Variants in STAU1 observed in about 807,000 individuals in gnomAD.
STAU1 encodes double-stranded RNA-binding protein Staufen homolog 1.
In STAU1, 13 loss-of-function variants were observed where a neutral mutation model predicts 62.9. The ratio of observed to expected loss-of-function variants is 0.21; its 90% CI spans 0.13 to 0.33. The LOEUF (loss-of-function observed/expected upper bound fraction) is 0.33. STAU1 is among the 10% of genes least tolerant of loss of function. The pLI, the probability that STAU1 is intolerant of heterozygous loss-of-function variation, is 1.00. For missense variants in STAU1, 571 were observed against 712.1 expected (o/e 0.80, Z 2.25); for synonymous variants, 269 against 265.1 (o/e 1.01, Z -0.14).
chr20:49,120,279 T>C, intron 8 of STAU1, 151 bp from the exon 9 acceptor site: 1 of 828,072 alleles, frequency 1.2e-6, no homozygotes, highest in East Asian at 2.8e-5. Context: ...TGAGAGCTAA[T>C]TATTAAATAG....
intron 3 of STAU1, among the ~76,000 whole-genome samples, chr20:49,164,743 T>C (rs552514905): frequency 3.5e-4 from 53 of 152,062 alleles, no homozygotes; most frequent in African/African-American, 1.2e-3. Context: ...TACTCCAGCC[T>C]AGGCAATAGA....
chr20:49,185,836 T>C (rs910056346), intron 1 of STAU1, among the ~76,000 whole-genome samples: 1 of 152,154 alleles, frequency 6.6e-6, no homozygotes, highest in South Asian at 2.1e-4. Flanking sequence ...GTATTAGACA[T>C]GCTTTATACT....
At chr20:49,129,279 AAT>A (rs1491424914) in intron 6 of STAU1, among the ~76,000 whole-genome samples, 1 of 101,958 alleles carries the variant, frequency 9.8e-6, no homozygotes, top group Non-Finnish European at 1.8e-5. Flanking sequence ...TTTAAAAAAA[AAT>A]TTTTTTTTTT....
At chr20:49,212,925 G>A in the STAU1 span, among the ~76,000 whole-genome samples, 1 of 151,918 alleles carries the variant, frequency 6.6e-6, no homozygotes, top group Non-Finnish European at 1.5e-5. Flanking sequence ...TTGTAATATC[G>A]GGTAATATGT....
At chr20:49,138,309 TAAAAC>T (rs1328196399) in intron 5 of STAU1, among the ~76,000 whole-genome samples, 1 of 151,992 alleles carries the variant, frequency 6.6e-6, no homozygotes, top group African/African-American at 2.4e-5. Context: ...ATAATTAAAA[TAAAAC>T]AAACTCTAGG....
At chr20:49,171,004 A>G (rs1173639056) in intron 2 of STAU1, among the ~76,000 whole-genome samples, 1 of 152,242 alleles carries the variant, frequency 6.6e-6, no homozygotes, top group African/African-American at 2.4e-5. Flanking sequence ...ACAAAAACTT[A>G]TTAAGCATCT....
At chr20:49,206,175 G>C in the STAU1 span, among the ~76,000 whole-genome samples, 9 of 119,632 alleles carry the variant, frequency 7.5e-5, no homozygotes, top group Non-Finnish European at 1.2e-4. Flanking sequence ...TGTATTTTTT[G>C]TAAGTACGGG....
chr20:49,113,876 T>C lies in STAU1; in HGVS notation c.*1002A>G, dbSNP rs1409336338. On this transcript the variant is annotated 3_prime_UTR_variant, in exon 14 of 14. Coordinates refer to ENST00000371856, the MANE Select transcript of STAU1 (RefSeq NM_017453.4). ...AGTCCTCAAGAGCCATATGTATAGA[T>C]ACACAATGTTTTTTAATAATCTTTA... 2 of 152,656 alleles carry C rather than the reference T, an allele frequency of 1.3e-5. No homozygotes were observed. Among genetic ancestry groups the C allele is most frequent in the African/African-American group, 2.4e-5 (1 of 41,456 alleles). The allele number at this position is 152,656 out of a possible 1,614,324, so 9.5% of individuals were successfully genotyped here.
At chr20:49,195,904 A>AAAAAAAAAAAAAGAAAG in the STAU1 span, among the ~76,000 whole-genome samples, 3 of 95,364 alleles carry the variant, frequency 3.1e-5, no homozygotes, top group East Asian at 5.7e-4. Context: ...CTCTCAAAAA[A>AAAAAAAAAAAAAGAAAG]AAAAAAAAAA....
chr20:49,219,248 G>A, the STAU1 span: 2 of 1,184,046 alleles, frequency 1.7e-6, no homozygotes, highest in African/African-American at 1.6e-5. Context: ...AAAAAGCTCC[G>A]CCCCTTGATG....
intron 5 of STAU1, among the ~76,000 whole-genome samples, chr20:49,136,637 C>T (rs937054922): frequency 1.3e-5 from 2 of 152,088 alleles, no homozygotes; most frequent in Non-Finnish European, 2.9e-5. Context: ...TGGGACGTGG[C>T]AAATTCAGAT....
At chr20:49,182,605 G>A (rs566819793) in intron 1 of STAU1, among the ~76,000 whole-genome samples, 5 of 152,342 alleles carry the variant, frequency 3.3e-5, no homozygotes, top group South Asian at 2.1e-4. Context: ...TCGGGAGGCC[G>A]AGGTGGGCGG....
chr20:49,124,657 G>A (rs1402054192), intron 6 of STAU1, 70 bp from the exon 7 acceptor site: 2 of 1,516,852 alleles, frequency 1.3e-6, no homozygotes, highest in Middle Eastern at 1.8e-4. Context: ...ACACTGGCTG[G>A]CACACTTCAC....
intron 3 of STAU1, among the ~76,000 whole-genome samples, chr20:49,159,455 A>C (rs1417059671): frequency 6.6e-6 from 1 of 152,244 alleles, no homozygotes; most frequent in East Asian, 1.9e-4. Context: ...CATTAGCCAA[A>C]ATATAATAAA....
At position 49,114,597 on chromosome 20, in the gene STAU1, G is replaced by GTATCATTA; in HGVS notation, c.*280_*281insTAATGATA. The GTATCATTA allele has an allele frequency of 4.7e-6, 2 of 423,514 alleles. No homozygotes were observed. Among genetic ancestry groups the GTATCATTA allele is most frequent in the Non-Finnish European group, 8.5e-6 (2 of 235,056 alleles). 26.2% of individuals were successfully genotyped at this position (423,514 alleles called of 1,614,324 possible). The stretch of plus-strand genomic sequence containing the variant: ...GGGTGTGGATCTGCTGGTGTCCCGG[G>GTATCATTA]AGAACCAGCTGGCTGGGCAGCCCTT... On this transcript the variant is annotated 3_prime_UTR_variant, in exon 14 of 14. Transcript: ENST00000371856.
intron 5 of STAU1, among the ~76,000 whole-genome samples, chr20:49,147,247 T>C (rs1600726404): frequency 6.6e-6 from 1 of 152,360 alleles, no homozygotes; most frequent in East Asian, 1.9e-4. Context: ...CTGATATTAA[T>C]GTTAATGTCT....
intron 6 of STAU1, among the ~76,000 whole-genome samples, chr20:49,126,588 C>CAAAAAAAAAAAA: frequency 7.1e-5 from 4 of 56,342 alleles, no homozygotes; most frequent in African/African-American, 2.5e-4. Flanking sequence ...AAAAAAAAAA[C>CAAAAAAAAAAAA]AAAAAAAAAA....
intron 13 of STAU1, among the ~76,000 whole-genome samples, chr20:49,115,473 G>T (rs2092296807): frequency 6.6e-6 from 1 of 152,032 alleles, no homozygotes; most frequent in Non-Finnish European, 1.5e-5. Flanking sequence ...GCTAATTTTT[G>T]TATTTTTAGT....
intron 6 of STAU1, among the ~76,000 whole-genome samples, chr20:49,133,340 G>A (rs897392813): frequency 7.2e-5 from 11 of 152,164 alleles, no homozygotes; most frequent in African/African-American, 2.2e-4. Flanking sequence ...GGCCCAAGCC[G>A]TCAACTCTGC....
Sources: allele counts gnomAD v4.1 joint callset (sites outside exome capture counted in the v4.1 genomes callset), GRCh38; gene constraint gnomAD v4.1.1; transcripts MANE v1.5; gene names NCBI Gene and HGNC (gene_info 2026-07-23, HGNC 2026-07-21).